The following NT5DC1 variants were observed in gnomAD, a reference collection of about 807,000 sequenced individuals.
NT5DC1 encodes the protein 5'-nucleotidase domain containing 1.
Under a neutral mutation model 59.4 loss-of-function variants are expected in NT5DC1, and 42 were observed. That is an observed-to-expected ratio of 0.71 (90% CI 0.55 to 0.92). The LOEUF (loss-of-function observed/expected upper bound fraction) is 0.92, where lower values mean the gene tolerates loss of function less well. Among genes scored for constraint, NT5DC1 ranks in the 40% least tolerant of loss-of-function variants. The probability of loss-of-function intolerance (pLI) is 0.00; values close to 1 mark genes in which losing one functional copy is unlikely to be tolerated. For synonymous variants in NT5DC1, 172 were observed against 188.1 expected (o/e 0.91, Z 0.70); for missense variants, 501 against 537.1 (o/e 0.93, Z 0.66).
At chr6:116,241,332 G>A (rs1377645136) in intron 11 of NT5DC1, among the ~76,000 whole-genome samples, 1 of 152,102 alleles carries the variant, frequency 6.6e-6, no homozygotes, top group African/African-American at 2.4e-5. Flanking sequence ...AATAAAAAAT[G>A]AATGCTTACT....
intron 6 of NT5DC1, among the ~76,000 whole-genome samples, chr6:116,139,500 A>G (rs1779709746): frequency 6.6e-6 from 1 of 152,190 alleles, no homozygotes; most frequent in Non-Finnish European, 1.5e-5. Flanking sequence ...CACATTGTAT[A>G]CTACAGTGTA....
chr6:116,133,054 A>T (rs1338205641), intron 6 of NT5DC1, among the ~76,000 whole-genome samples: 1 of 152,180 alleles, frequency 6.6e-6, no homozygotes, highest in Non-Finnish European at 1.5e-5. Flanking sequence ...AAAAACTGAG[A>T]GTCATTTACA....
At chr6:116,212,561 C>A (rs1781601267) in intron 6 of NT5DC1, among the ~76,000 whole-genome samples, 1 of 152,108 alleles carries the variant, frequency 6.6e-6, no homozygotes, top group African/African-American at 2.4e-5. Flanking sequence ...CTGAGGATAT[C>A]TGAACTAAAT....
chr6:116,131,654 G>A (rs1054058564), intron 6 of NT5DC1, among the ~76,000 whole-genome samples: 1 of 152,036 alleles, frequency 6.6e-6, no homozygotes, highest in African/African-American at 2.4e-5. Flanking sequence ...GTTATTTCCT[G>A]TCTTTTGCCA....
chr6:116,192,837 A>G (rs113502593), intron 6 of NT5DC1, among the ~76,000 whole-genome samples: 78 of 152,062 alleles, frequency 5.1e-4, no homozygotes, highest in African/African-American at 1.7e-3. Context: ...GCCTCCTACT[A>G]TTGGAAGGTG....
rs1771793694 is a variant in NT5DC1, at chr6:116,244,190, CTTA to C, written c.*171_*173del. 2 of 442,272 alleles carry C rather than the reference CTTA, an allele frequency of 4.5e-6. No individual in the cohort carries two copies. Among genetic ancestry groups the C allele is most frequent in the Non-Finnish European group, 4.0e-6 (1 of 247,984 alleles). 27.4% of individuals were successfully genotyped at this position (442,272 alleles called of 1,614,324 possible). A position where few individuals can be genotyped will look rare whatever the true frequency, so the allele number is the denominator to read the frequency against. On this transcript the variant is annotated 3_prime_UTR_variant, in exon 12 of 12. Transcript: ENST00000319550. ...TAAATCATCTTGATGTTTAACAACT[CTTA>C]TTATATTAAAATCTCAGTATCCTAA...
At chr6:116,168,850 T>C (rs1184682511) in intron 6 of NT5DC1, among the ~76,000 whole-genome samples, 3 of 152,232 alleles carry the variant, frequency 2.0e-5, no homozygotes, top group Non-Finnish European at 4.4e-5. Flanking sequence ...CTAGCACTCC[T>C]GGATCACCTG....
intron 6 of NT5DC1, among the ~76,000 whole-genome samples, chr6:116,142,457 C>G (rs1779791409): frequency 1.3e-5 from 2 of 152,072 alleles, no homozygotes; most frequent in African/African-American, 4.8e-5. Flanking sequence ...CTCTTAAACT[C>G]ATGTTTCACT....
In NT5DC1 at chr6:116,206,805, A is replaced by T. The variant is rs923535662; in HGVS notation, c.530-14249A>T. 1.7e-4 allele frequency among the ~76,000 whole-genome samples: 26 copies of T among 151,990 alleles called. 1 individual carries two copies. Among genetic ancestry groups the T allele is most frequent in the African/African-American group, 6.3e-4 (26 of 41,438 alleles). ...TTTAGATAAACTGTTAATTGGTCGA[A>T]GTCTAGTGCAGTTTCCTCTTTACTC... On this transcript the variant is annotated intron_variant, in intron 6 of 11. Coordinates refer to ENST00000319550, the MANE Select transcript of NT5DC1 (RefSeq NM_152729.3).
At chr6:116,197,695 A>G (rs1412873265) in intron 6 of NT5DC1, among the ~76,000 whole-genome samples, 2 of 152,100 alleles carry the variant, frequency 1.3e-5, no homozygotes, top group East Asian at 3.9e-4. Context: ...TAAGTTCCAC[A>G]TGTGAAAATA....
chr6:116,163,388 A>G (rs1411992306), intron 6 of NT5DC1, among the ~76,000 whole-genome samples: 1 of 151,732 alleles, frequency 6.6e-6, no homozygotes, highest in African/African-American at 2.4e-5. Context: ...TGTTTCCTCT[A>G]AGTTTTCTAG....
intron 6 of NT5DC1, chr6:116,120,400 A>G: frequency 1.2e-6 from 2 of 1,614,264 alleles, no homozygotes; most frequent in Non-Finnish European, 1.7e-6. Flanking sequence ...ACAAAATTTT[A>G]TCAAATGGTA....
At chr6:116,234,235 C>T (rs1782074354) in intron 8 of NT5DC1, among the ~76,000 whole-genome samples, 1 of 152,026 alleles carries the variant, frequency 6.6e-6, no homozygotes, top group South Asian at 2.1e-4. Flanking sequence ...GCTGGGATTA[C>T]AGGTGTGAGC....
chr6:116,241,881 C>T (rs1771729593), intron 11 of NT5DC1, among the ~76,000 whole-genome samples: 1 of 133,018 alleles, frequency 7.5e-6, no homozygotes, highest in Admixed American at 8.7e-5. Context: ...CGAGATCGCG[C>T]CACTGCACTC....
chr6:116,157,065 T>TG (rs1237398881), intron 6 of NT5DC1, among the ~76,000 whole-genome samples: 14 of 152,248 alleles, frequency 9.2e-5, no homozygotes, highest in African/African-American at 3.4e-4. Context: ...CAAATAGACA[T>TG]GGAGGGGAGG....
chr6:116,164,514 G>A (rs1432885196), intron 6 of NT5DC1, among the ~76,000 whole-genome samples: 1 of 152,072 alleles, frequency 6.6e-6, no homozygotes, highest in African/African-American at 2.4e-5. Flanking sequence ...GGCAGCAGAT[G>A]GTTGAATCTT....
chr6:116,159,616 G>A (rs1004960472), intron 6 of NT5DC1, among the ~76,000 whole-genome samples: 7 of 152,160 alleles, frequency 4.6e-5, no homozygotes, highest in Non-Finnish European at 1.0e-4. Flanking sequence ...ACACAACACT[G>A]CTGTCATCTT....
Position 116,237,031 on chromosome 6 carries a change from G to A in NT5DC1, c.868G>A (p.Ala290Thr), listed in dbSNP as rs1432907924. ...ACCTGGCTGGTACTCCCAAGGGAAC[G>A]CTGTCCACCTCTATGAACTTCTGAA... ...DKPGWYSQGN[A>T]VHLYELLKKM... The change falls in exon 9 of 12, where the codon GCT becomes ACT. Residue 290 changes from alanine (A) to threonine (T), a missense_variant. Transcript: ENST00000319550. The A allele has an allele frequency of 5.0e-6, 8 of 1,613,226 alleles. No homozygotes were observed. The highest frequency in any genetic ancestry group is 3.3e-5 in the South Asian group (3 of 90,984).
chr6:116,134,077 T>A (rs1779531893), intron 6 of NT5DC1, among the ~76,000 whole-genome samples: 1 of 152,218 alleles, frequency 6.6e-6, no homozygotes, highest in Admixed American at 6.5e-5. Context: ...TTTTATATGT[T>A]AGGATCTTTG....
Sources: allele counts gnomAD v4.1 joint callset (sites outside exome capture counted in the v4.1 genomes callset), GRCh38; gene constraint gnomAD v4.1.1; transcripts MANE v1.5; gene names NCBI Gene and HGNC (gene_info 2026-07-23, HGNC 2026-07-21).